KDM2B: variants seen among roughly 807,000 people sequenced by gnomAD.
KDM2B encodes the protein lysine-specific demethylase 2B.
A neutral mutation model predicts 150.0 loss-of-function variants in KDM2B; 26 were observed. The observed-to-expected ratio is 0.17, with a 90% CI of 0.13 to 0.24. KDM2B has a LOEUF of 0.24. Among genes scored for constraint, KDM2B ranks in the 10% least tolerant of loss-of-function variants. The probability of loss-of-function intolerance (pLI) is 1.00; values close to 1 mark genes in which losing one functional copy is unlikely to be tolerated. For synonymous variants in KDM2B, 734 were observed against 729.5 expected (o/e 1.01, Z -0.10); for missense variants, 1,265 against 1,816.9 (o/e 0.70, Z 5.52).
At chr12:121,572,108 G>T (rs568090561) in intron 4 of KDM2B, among the ~76,000 whole-genome samples, 1 of 152,128 alleles carries the variant, frequency 6.6e-6, no homozygotes, top group Non-Finnish European at 1.5e-5. Context: ...TAAGGTGGGC[G>T]GATCGCTTAG....
At chr12:121,572,536 C>G (rs782088026) in intron 4 of KDM2B, among the ~76,000 whole-genome samples, 2 of 152,214 alleles carry the variant, frequency 1.3e-5, no homozygotes, top group Non-Finnish European at 2.9e-5. Context: ...CAAATGCCCC[C>G]CTTCATCCCA....
chr12:121,494,537 A>C, intron 12 of KDM2B, 42 bp downstream of exon 12: 1 of 1,504,360 alleles, frequency 6.6e-7, no homozygotes, highest in South Asian at 1.2e-5. Context: ...GGTGGGAAGG[A>C]GGTGGGAAGC....
chr12:121,579,628 T>G, intron 1 of KDM2B: 1 of 1,321,690 alleles, frequency 7.6e-7, no homozygotes, highest in Non-Finnish European at 9.9e-7. Context: ...CTGCCTCATC[T>G]CCCCACAAGC....
At chr12:121,551,949 T>C (rs992972519) in intron 4 of KDM2B, among the ~76,000 whole-genome samples, 38 of 152,158 alleles carry the variant, frequency 2.5e-4, no homozygotes, top group African/African-American at 8.7e-4. Context: ...GTAAGAGAAC[T>C]TGGGTATTTC....
intron 12 of KDM2B, among the ~76,000 whole-genome samples, chr12:121,471,255 C>T (rs1170581140): frequency 6.6e-6 from 1 of 152,162 alleles, no homozygotes; most frequent in Non-Finnish European, 1.5e-5. Context: ...TTCCACTGGG[C>T]CAAGCCTTAA....
chr12:121,564,825 CTTTTCT>C (rs1256779670), intron 4 of KDM2B, among the ~76,000 whole-genome samples: 8 of 150,196 alleles, frequency 5.3e-5, no homozygotes, highest in Non-Finnish European at 8.9e-5. Context: ...TTTTTTTTCT[CTTTTCT>C]TTTTCTTATT....
Position 121,468,037 on chromosome 12 carries a change from CA to C in KDM2B, c.1735-14694del, listed in dbSNP as rs1880316794. On this transcript the variant is annotated intron_variant, in intron 12 of 22. Coordinates refer to ENST00000377071, the MANE Select transcript of KDM2B (RefSeq NM_032590.5). This position sits in a 1 kb window ranked among gnomAD's most constrained non-coding sequence, Gnocchi z 4.0. ...GGTCAAGTAGTGCAGGCGGGAGTTC[CA>C]CTCGAGTCGCCTGACGGGGGCTGTC... is the stretch of plus-strand genomic sequence containing the variant. The C allele has an allele frequency of 1.3e-5, 2 of 152,286 alleles. No individual in the cohort carries two copies. The highest frequency in any genetic ancestry group is 4.8e-5 in the African/African-American group (2 of 41,456). The allele number at this position is 152,286 out of a possible 1,614,324, so 9.4% of individuals were successfully genotyped here.
chr12:121,464,977 C>A (rs1879660107), intron 12 of KDM2B, among the ~76,000 whole-genome samples: 1 of 152,246 alleles, frequency 6.6e-6, no homozygotes, highest in East Asian at 1.9e-4. Context: ...GAGTGTCCCC[C>A]AACTACGGGG....
rs1260232230 is a variant in KDM2B at position 121,513,805 on chromosome 12, G to C, written c.1048-403C>G. On this transcript the variant is annotated intron_variant, in intron 9 of 22. Transcript: ENST00000377071. This position sits in a 1 kb window ranked among gnomAD's most constrained non-coding sequence, Gnocchi z 5.0. ...TTCCTCCTTGTTTCTGAAAATTCCT[G>C]CACAGATTCTGCTGTTCCTCCCTCC... 2.6e-5 allele frequency among the ~76,000 whole-genome samples: 4 copies of C among 152,184 alleles called. No individual in the cohort carries two copies. The highest frequency in any genetic ancestry group is 5.9e-5 in the Non-Finnish European group (4 of 68,038).
chr12:121,494,372 G>T, intron 12 of KDM2B: 1 of 518,208 alleles, frequency 1.9e-6, no homozygotes, highest in Non-Finnish European at 3.4e-6. Context: ...CCACCAGGCG[G>T]CACTGTTCGC....
chr12:121,509,687 G>A lies in KDM2B; in HGVS notation c.1527C>T (p.Leu509=). The A allele has an allele frequency of 6.2e-7, 1 of 1,614,076 alleles. No individual in the cohort carries two copies. Among genetic ancestry groups the A allele is most frequent in the Non-Finnish European group, 8.5e-7 (1 of 1,180,034 alleles). The change falls in exon 11 of 23, where the codon CTC becomes CTT. Residue 509 remains leucine, a synonymous_variant. Coordinates refer to ENST00000377071, the MANE Select transcript of KDM2B (RefSeq NM_032590.5). ...TCAGGCCCTTCAGTTCAAACTCAGT[G>A]AGATGGGTCCATTTGGCAGAGACCT... is the stretch of plus-strand genomic sequence containing the variant. ...ATEVSAKWTH[L]TEFELKGLKA...
intron 12 of KDM2B, among the ~76,000 whole-genome samples, chr12:121,489,178 G>C (rs1044565361): frequency 6.6e-6 from 1 of 151,982 alleles, no homozygotes; most frequent in Non-Finnish European, 1.5e-5. Flanking sequence ...CTCCTGACCT[G>C]AAGTGATGTG....
chr12:121,554,086 A>G (rs944164618), intron 4 of KDM2B, among the ~76,000 whole-genome samples: 1 of 88,360 alleles, frequency 1.1e-5, no homozygotes, highest in South Asian at 3.8e-4. Flanking sequence ...CACACACACA[A>G]ATTGGCCAAG....
chr12:121,464,605 C>T (rs112925817), intron 12 of KDM2B, among the ~76,000 whole-genome samples: 1,867 of 152,244 alleles, frequency 0.012, 45 homozygotes, highest in African/African-American at 0.043. Flanking sequence ...ATGGGGTGGG[C>T]GTGAGGGCTA....
intron 4 of KDM2B, among the ~76,000 whole-genome samples, chr12:121,552,015 C>A (rs571316737): frequency 0.017 from 2,550 of 152,302 alleles, 33 homozygotes; most frequent in South Asian, 0.031. Context: ...CAAGGTGAGA[C>A]AGTCTGTTTT....
chr12:121,572,696 T>G (rs1281040075), intron 4 of KDM2B, among the ~76,000 whole-genome samples: 1 of 152,158 alleles, frequency 6.6e-6, no homozygotes, highest in Non-Finnish European at 1.5e-5. Flanking sequence ...CTCGCTCTGT[T>G]GCCCAGGCTG....
intron 9 of KDM2B, among the ~76,000 whole-genome samples, chr12:121,515,755 G>T (rs1886119081): frequency 6.6e-6 from 1 of 151,946 alleles, no homozygotes; most frequent in African/African-American, 2.4e-5. Context: ...TCCCACTGCT[G>T]GGCCTCCTCT....
At chr12:121,516,003 G>A (rs1411008658) in intron 9 of KDM2B, among the ~76,000 whole-genome samples, 1 of 152,122 alleles carries the variant, frequency 6.6e-6, no homozygotes, top group Admixed American at 6.6e-5. Flanking sequence ...TTAAAAAAGA[G>A]GGGCTCCTAG....
intron 12 of KDM2B, among the ~76,000 whole-genome samples, chr12:121,473,306 C>T (rs1159943299): frequency 6.6e-6 from 1 of 151,078 alleles, no homozygotes; most frequent in Non-Finnish European, 1.5e-5. Flanking sequence ...GCAGTAGAAT[C>T]GCTTGAACCT....
Sources: allele counts gnomAD v4.1 joint callset (sites outside exome capture counted in the v4.1 genomes callset), GRCh38; gene constraint gnomAD v4.1.1; non-coding constraint Gnocchi (gnomAD v3.1); transcripts MANE v1.5; gene names NCBI Gene and HGNC (gene_info 2026-07-23, HGNC 2026-07-21).